The following NRF1 variants were observed in gnomAD, a reference collection of about 807,000 sequenced individuals.
The protein encoded by NRF1 is alpha palindromic-binding protein.
In NRF1, 5 loss-of-function variants were observed where a neutral mutation model predicts 58.5. The observed-to-expected ratio is 0.09, with a 90% CI of 0.04 to 0.18. The LOEUF (loss-of-function observed/expected upper bound fraction) is 0.18, where lower values mean the gene tolerates loss of function less well. Among genes scored for constraint, NRF1 ranks in the 10% least tolerant of loss-of-function variants. NRF1 has a pLI of 1.00. For missense variants in NRF1, 288 were observed against 657.7 expected (o/e 0.44, Z 6.15); for synonymous variants, 224 against 246.7 (o/e 0.91, Z 0.86).
chr7:129,665,658 CTG>C (rs767309888), intron 2 of NRF1, among the ~76,000 whole-genome samples: 15 of 152,160 alleles, frequency 9.9e-5, no homozygotes, highest in Non-Finnish European at 1.0e-4. Flanking sequence ...GGGTTTCACT[CTG>C]TTGTCCAGAC....
chr7:129,745,505 A>ACCC (rs1803953764), intron 10 of NRF1, among the ~76,000 whole-genome samples: 2 of 57,262 alleles, frequency 3.5e-5, no homozygotes, highest in African/African-American at 6.1e-5. Context: ...CATCCCCCTC[A>ACCC]ACCCCCCCCC....
chr7:129,705,833 C>G (rs577024656), intron 5 of NRF1, among the ~76,000 whole-genome samples: 1 of 152,218 alleles, frequency 6.6e-6, no homozygotes, highest in East Asian at 1.9e-4. Flanking sequence ...GTCCCAACTA[C>G]TGAAGGCTGA....
At chr7:129,622,649 A>G (rs1460082555) in intron 1 of NRF1, among the ~76,000 whole-genome samples, 2 of 150,396 alleles carry the variant, frequency 1.3e-5, no homozygotes, top group East Asian at 3.9e-4. Context: ...GGCTCACTGC[A>G]ACCTCTGGCT....
intron 1 of NRF1, among the ~76,000 whole-genome samples, chr7:129,643,911 G>A (rs1410061242): frequency 2.0e-5 from 3 of 152,190 alleles, no homozygotes; most frequent in African/African-American, 7.2e-5. Context: ...TTGGTCCCCA[G>A]ACTCCCCCTG....
intron 4 of NRF1, among the ~76,000 whole-genome samples, chr7:129,680,793 G>C (rs1031012207): frequency 6.6e-6 from 1 of 152,224 alleles, no homozygotes; most frequent in Non-Finnish European, 1.5e-5. Context: ...CCAGAGACTG[G>C]GGAAGGGGAA....
chr7:129,698,720 G>A (rs1802753515), intron 5 of NRF1, among the ~76,000 whole-genome samples: 1 of 152,140 alleles, frequency 6.6e-6, no homozygotes, highest in Non-Finnish European at 1.5e-5. Context: ...GGAATCAGTA[G>A]GTCTGGAATG....
At chr7:129,620,480 C>A (rs193113776) in intron 1 of NRF1, among the ~76,000 whole-genome samples, 2 of 151,914 alleles carry the variant, frequency 1.3e-5, no homozygotes, top group East Asian at 3.9e-4. Flanking sequence ...CCTCCGCCTC[C>A]CGGGTTCAAG....
In NRF1 at chr7:129,755,292, G is replaced by T. The variant is rs1181509628; in HGVS notation, c.*111G>T. 5.2e-6 allele frequency: 5 copies of T among 969,628 alleles called. No homozygotes were observed. The highest frequency in any genetic ancestry group is 3.8e-5 in the South Asian group (1 of 26,284). 60.1% of individuals were successfully genotyped at this position (969,628 alleles called of 1,614,324 possible). On this transcript the variant is annotated 3_prime_UTR_variant, in exon 11 of 11. Transcript: ENST00000393232. The surrounding 1 kb of genome is among the most constrained non-coding windows in gnomAD (Gnocchi z 5.8). ...CTCTCGACTTTGGAAGGAAAGTTTTGTTAACCTTTTTTTTTTTAAAAGGAA... is the reference window on the plus strand; with the variant it reads ...CTCTCGACTTTGGAAGGAAAGTTTTTTTAACCTTTTTTTTTTTAAAAGGAA...
intron 1 of NRF1, among the ~76,000 whole-genome samples, chr7:129,623,708 T>C (rs1800854892): frequency 6.6e-6 from 1 of 152,240 alleles, no homozygotes; most frequent in African/African-American, 2.4e-5. Flanking sequence ...AAATCATTTC[T>C]TAGTGACTGC....
Position 129,619,488 on chromosome 7 carries a change from G to GTATATATA in NRF1, c.-7+7665_-7+7666insATATATAT, listed in dbSNP as rs1346163996. Among the ~76,000 whole-genome samples, 68 of 40,600 alleles carry GTATATATA rather than the reference G, an allele frequency of 1.7e-3. 1 individual carries two copies. The highest frequency in any genetic ancestry group is 7.7e-3 in the Admixed American group (28 of 3,640). The allele number at this position is 40,600 out of a possible 152,430, so 26.6% of individuals were successfully genotyped here. The stretch of plus-strand genomic sequence containing the variant: ...TGTGTGTGTGTGTGTGTGTGTGTGT[G>GTATATATA]TGTATATATATATATATATATATAT... On this transcript the variant is annotated intron_variant, in intron 1 of 10. Transcript: ENST00000393232.
At chr7:129,683,288 A>AGAGT (rs1554408830) in intron 4 of NRF1, among the ~76,000 whole-genome samples, 6 of 140,390 alleles carry the variant, frequency 4.3e-5, no homozygotes, top group Admixed American at 1.4e-4. Context: ...TCATGTGGAG[A>AGAGT]GTGTGTGTGT....
chr7:129,615,934 G>A (rs1025174423), intron 1 of NRF1, among the ~76,000 whole-genome samples: 11 of 152,128 alleles, frequency 7.2e-5, no homozygotes, highest in African/African-American at 1.9e-4. Context: ...TAATCCTCAA[G>A]CAACAACAAT....
At chr7:129,662,896 C>T (rs1246457646) in intron 2 of NRF1, among the ~76,000 whole-genome samples, 1 of 152,172 alleles carries the variant, frequency 6.6e-6, no homozygotes, top group Non-Finnish European at 1.5e-5. Context: ...AGGCAGAGGT[C>T]CCTGCGGCCT....
chr7:129,670,175 G>T (rs552806963), intron 2 of NRF1, among the ~76,000 whole-genome samples: 1 of 152,216 alleles, frequency 6.6e-6, no homozygotes, highest in African/African-American at 2.4e-5. Flanking sequence ...GGTTGCCAGG[G>T]TCTGGGGGTG....
intron 5 of NRF1, among the ~76,000 whole-genome samples, chr7:129,705,148 A>G (rs1802918988): frequency 6.6e-6 from 1 of 152,200 alleles, no homozygotes. Flanking sequence ...CTGAGGTAAT[A>G]ATAATAAAAC....
chr7:129,695,192 C>G (rs1802659541), intron 5 of NRF1, among the ~76,000 whole-genome samples: 1 of 151,928 alleles, frequency 6.6e-6, no homozygotes, highest in Non-Finnish European at 1.5e-5. Flanking sequence ...TCTGGGAACA[C>G]AGAATTGAGC....
At chr7:129,642,384 GAA>G (rs1801310903) in intron 1 of NRF1, among the ~76,000 whole-genome samples, 1 of 152,144 alleles carries the variant, frequency 6.6e-6, no homozygotes, top group Non-Finnish European at 1.5e-5. Flanking sequence ...TGAGAAATTG[GAA>G]ATAACCTAAA....
chr7:129,663,329 C>T (rs962180224), intron 2 of NRF1, among the ~76,000 whole-genome samples: 8 of 152,118 alleles, frequency 5.3e-5, no homozygotes, highest in South Asian at 4.1e-4. Flanking sequence ...CTCCCCACTT[C>T]CCAGACGGGG....
At chr7:129,670,911 T>C (rs963490482) in intron 2 of NRF1, among the ~76,000 whole-genome samples, 1 of 152,224 alleles carries the variant, frequency 6.6e-6, no homozygotes, top group African/African-American at 2.4e-5. Flanking sequence ...TCAATTAAGA[T>C]GTTATTCATT....
Sources: gnomAD v4.1 joint callset for allele counts (sites outside exome capture counted in the v4.1 genomes callset) on GRCh38, gnomAD v4.1.1 for gene constraint, Gnocchi (gnomAD v3.1) non-coding constraint, MANE v1.5 for transcripts, NCBI Gene and HGNC (gene_info 2026-07-23, HGNC 2026-07-21) for gene names.